PDE3A: variants seen among roughly 807,000 people sequenced by gnomAD.
PDE3A encodes the protein cGMP-inhibited 3',5'-cyclic phosphodiesterase 3A.
Under a neutral mutation model 98.3 loss-of-function variants are expected in PDE3A, and 43 were observed. The observed-to-expected ratio is 0.44, with a 90% confidence interval of 0.34 to 0.56. The LOEUF (loss-of-function observed/expected upper bound fraction) is 0.56. Among genes scored for constraint, PDE3A ranks in the 20% least tolerant of loss-of-function variants. The pLI is 0.01. For synonymous variants in PDE3A, 663 were observed against 567.9 expected, an observed-to-expected ratio of 1.17 and a Z score of -2.38; for missense variants, 1,427 against 1,440.7, an observed-to-expected ratio of 0.99 and a Z score of 0.15.
chr12:20,570,042 G>A (rs985087808), intron 2 of PDE3A, among the ~76,000 whole-genome samples: 2 of 152,104 alleles, frequency 1.3e-5, no homozygotes, highest in African/African-American at 4.8e-5. Flanking sequence ...TAGAAACAGT[G>A]TCCCAGATGA....
intron 15 of PDE3A, among the ~76,000 whole-genome samples, chr12:20,664,165 GC>G (rs1376980855): frequency 6.6e-6 from 1 of 152,104 alleles, no homozygotes; most frequent in Non-Finnish European, 1.5e-5. Flanking sequence ...GGCCTCCCCA[GC>G]CCTGTGGAAC....
intron 10 of PDE3A, among the ~76,000 whole-genome samples, chr12:20,644,868 T>C (rs1592142352): frequency 3.9e-5 from 5 of 129,142 alleles, no homozygotes; most frequent in Non-Finnish European, 4.9e-5. Flanking sequence ...CTCCCCCTCT[T>C]CCCCCTCTTC....
In PDE3A at chr12:20,653,928, A is replaced by C. The variant is rs1266765806; in HGVS notation, c.2926-19A>C. The C allele has an allele frequency of 1.2e-6, 2 of 1,609,368 alleles. No homozygotes were observed. Among genetic ancestry groups the C allele is most frequent in the African/African-American group, 2.7e-5 (2 of 74,738 alleles). ...CAGATGCCAGGTGAATGTTGACTTC[A>C]CTTGTATTTTATTTCTAGGGTGATG... On this transcript the variant is annotated intron_variant, in intron 14 of 15. Coordinates refer to ENST00000359062, the MANE Select transcript of PDE3A (RefSeq NM_000921.5).
intron 4 of PDE3A, among the ~76,000 whole-genome samples, chr12:20,616,795 G>A (rs1811848664): frequency 6.6e-6 from 1 of 152,070 alleles, no homozygotes; most frequent in African/African-American, 2.4e-5. Context: ...AGCTGTCTTA[G>A]CGTTGTACAA....
At chr12:20,544,852 G>A (rs533244074) in intron 1 of PDE3A, among the ~76,000 whole-genome samples, 1 of 151,824 alleles carries the variant, frequency 6.6e-6, no homozygotes, top group South Asian at 2.1e-4. Flanking sequence ...TGTGTTCCAT[G>A]GAAAACTGTA....
chr12:20,603,684 C>T (rs529039203), intron 2 of PDE3A, among the ~76,000 whole-genome samples: 162 of 152,244 alleles, frequency 1.1e-3, no homozygotes, highest in African/African-American at 3.8e-3. Context: ...TTTCTTTGCA[C>T]ACACAATCTT....
intron 15 of PDE3A, among the ~76,000 whole-genome samples, chr12:20,669,093 G>A (rs1163208687): frequency 6.6e-6 from 1 of 150,786 alleles, no homozygotes; most frequent in Non-Finnish European, 1.5e-5. Flanking sequence ...GGAAGAAACG[G>A]TATCAGCGAT....
At chr12:20,554,062 A>G (rs1942296470) in intron 1 of PDE3A, among the ~76,000 whole-genome samples, 1 of 151,854 alleles carries the variant, frequency 6.6e-6, no homozygotes, top group Non-Finnish European at 1.5e-5. Flanking sequence ...TGTACCAAGA[A>G]AGATATAACG....
intron 1 of PDE3A, among the ~76,000 whole-genome samples, chr12:20,500,332 T>C (rs575109191): frequency 9.2e-5 from 14 of 152,294 alleles, no homozygotes; most frequent in African/African-American, 3.4e-4. Context: ...CATTTTATCT[T>C]ACTTGGAATA....
chr12:20,642,719 G>A (rs920483743), intron 10 of PDE3A, among the ~76,000 whole-genome samples: 2 of 152,012 alleles, frequency 1.3e-5, no homozygotes, highest in Admixed American at 6.6e-5. Context: ...CCTATATTTA[G>A]TTCAGTTCAA....
In PDE3A at chr12:20,616,204, G is replaced by A. The variant is rs564171144; in HGVS notation, c.1270-26G>A. ...ATTTAAGAGATATAAAATATTCTGGGTAATGAAGTCAAGTCTCTTTCCTAG... is the reference window on the plus strand; with the variant it reads ...ATTTAAGAGATATAAAATATTCTGGATAATGAAGTCAAGTCTCTTTCCTAG... On this transcript the variant is annotated intron_variant, in intron 3 of 15. Coordinates refer to ENST00000359062, the MANE Select transcript of PDE3A (RefSeq NM_000921.5). 5.6e-6 allele frequency: 9 copies of A among 1,606,016 alleles called. No homozygotes were observed. In the South Asian group the frequency reaches 7.7e-5, roughly 14 times the overall value.
chr12:20,414,903 C>T (rs1944396991), intron 1 of PDE3A, among the ~76,000 whole-genome samples: 1 of 151,926 alleles, frequency 6.6e-6, no homozygotes, highest in South Asian at 2.1e-4. Context: ...AAATATAAAC[C>T]ACTATTAGAC....
chr12:20,653,818 C>CCTTA, intron 14 of PDE3A, 129 bp from the exon 15 acceptor site: 1 of 935,188 alleles, frequency 1.1e-6, no homozygotes, highest in South Asian at 1.6e-5. Flanking sequence ...TCTATAGGAA[C>CCTTA]CTTAGCACTT....
At chr12:20,596,311 G>C (rs890486162) in intron 2 of PDE3A, among the ~76,000 whole-genome samples, 1 of 151,922 alleles carries the variant, frequency 6.6e-6, no homozygotes. Context: ...ATGTGGAGTG[G>C]GGTATCATTT....
intron 1 of PDE3A, among the ~76,000 whole-genome samples, chr12:20,392,591 A>C (rs186091598): frequency 4.7e-4 from 72 of 152,058 alleles, no homozygotes; most frequent in African/African-American, 1.3e-3. Context: ...AACAGTATGG[A>C]GGTTCCTCAA....
At chr12:20,578,453 GT>G (rs1350714839) in intron 2 of PDE3A, among the ~76,000 whole-genome samples, 8 of 141,562 alleles carry the variant, frequency 5.7e-5, no homozygotes, top group Non-Finnish European at 1.1e-4. Context: ...TAAGTGTCAC[GT>G]TCTGGAGTAA....
intron 1 of PDE3A, among the ~76,000 whole-genome samples, chr12:20,398,006 CAGT>C (rs959425211): frequency 1.3e-5 from 2 of 150,084 alleles, no homozygotes; most frequent in African/African-American, 4.9e-5. Flanking sequence ...TTTAAAGAAT[CAGT>C]AGTATTCATC....
In PDE3A at chr12:20,576,939, T is replaced by TA. The variant is rs149605992; in HGVS notation, c.1011+20232dup. ...TTGGAAACATGAAGTTTTTTTTTTT[T>TA]AAACTAAACCAGGTGAGGTCCCCCA... On this transcript the variant is annotated intron_variant, in intron 2 of 15. Coordinates refer to ENST00000359062, the MANE Select transcript of PDE3A (RefSeq NM_000921.5). Among the ~76,000 whole-genome samples the TA allele has an allele frequency of 8.2e-4, 125 of 151,566 alleles. 4 individuals are homozygous for TA. The East Asian group carries it at 0.022, about 26-fold the overall frequency.
At chr12:20,404,862 C>G (rs951788333) in intron 1 of PDE3A, among the ~76,000 whole-genome samples, 10 of 108,982 alleles carry the variant, frequency 9.2e-5, no homozygotes, top group Non-Finnish European at 1.5e-4. Flanking sequence ...CAGGAACTAG[C>G]ATGTAAATCC....
Sources: allele counts gnomAD v4.1 joint callset (sites outside exome capture counted in the v4.1 genomes callset), GRCh38; gene constraint gnomAD v4.1.1; transcripts MANE v1.5; gene names NCBI Gene and HGNC (gene_info 2026-07-23, HGNC 2026-07-21).